Variants in KCTD1 observed in about 807,000 individuals in gnomAD.
KCTD1 encodes the protein BTB/POZ domain-containing protein KCTD1.
A neutral mutation model predicts 66.0 loss-of-function variants in KCTD1; 24 were observed. The observed-to-expected ratio is 0.36, with a 90% CI of 0.26 to 0.51. The LOEUF (loss-of-function observed/expected upper bound fraction) is 0.51, where lower values mean the gene tolerates loss of function less well. Ranked by LOEUF, KCTD1 falls within the 20% of genes least tolerant of loss-of-function variation. The pLI, the probability that KCTD1 is intolerant of heterozygous loss-of-function variation, is 0.95. For missense variants in KCTD1, 943 were observed against 1,205.2 expected, an observed-to-expected ratio of 0.78 and a Z score of 3.22; for synonymous variants, 511 against 517.2, an observed-to-expected ratio of 0.99 and a Z score of 0.16.
intron 1 of KCTD1, among the ~76,000 whole-genome samples, chr18:26,532,009 G>A (rs763786623): frequency 3.3e-5 from 5 of 152,152 alleles, no homozygotes; most frequent in Non-Finnish European, 7.4e-5. Flanking sequence ...GACCTATCTG[G>A]AGAGTGGTAG....
chr18:26,513,329 T>C (rs1003861240), intron 1 of KCTD1, among the ~76,000 whole-genome samples: 25 of 152,216 alleles, frequency 1.6e-4, no homozygotes, highest in Admixed American at 1.2e-3. Flanking sequence ...CCTCGTGATC[T>C]GCCCACTTCG....
At chr18:26,653,566 A>C (rs1048060232) in intron 1 of KCTD1, among the ~76,000 whole-genome samples, 1 of 152,226 alleles carries the variant, frequency 6.6e-6, no homozygotes, top group African/African-American at 2.4e-5. Flanking sequence ...ATGAGATTGG[A>C]GGCTCTGAAT....
intron 1 of KCTD1, among the ~76,000 whole-genome samples, chr18:26,651,783 C>CAAAA (rs397858862): frequency 4.5e-4 from 34 of 75,228 alleles, no homozygotes; most frequent in African/African-American, 1.2e-3. Context: ...AACTCGGTCT[C>CAAAA]AAAAAAAAAA....
intron 1 of KCTD1, among the ~76,000 whole-genome samples, chr18:26,528,729 G>A (rs1214107113): frequency 6.6e-6 from 1 of 152,114 alleles, no homozygotes; most frequent in African/African-American, 2.4e-5. Flanking sequence ...GAAGCTGCAG[G>A]ACACACACCC....
At chr18:26,600,143 A>G (rs1986856222) in intron 1 of KCTD1, 1 of 1,608,214 alleles carries the variant, frequency 6.2e-7, no homozygotes, top group Non-Finnish European at 8.5e-7. Context: ...AAGGCCTGTA[A>G]GAACTGCACC....
In KCTD1 at chr18:26,497,864, G is replaced by A. The variant is rs541962118; in HGVS notation, c.1988+3208C>T. ...GGCTGGGGTATTTAAGATAAAGGAG[G>A]AGAAGGTGCAGGCCAGGAGTCCCCT... is the stretch of plus-strand genomic sequence containing the variant. On this transcript the variant is annotated intron_variant, in intron 2 of 4. Coordinates refer to ENST00000580059, the MANE Select transcript of KCTD1 (RefSeq NM_001142730.3). 7.9e-5 allele frequency among the ~76,000 whole-genome samples: 12 copies of A among 152,326 alleles called. No homozygotes were observed. The South Asian group carries it at 2.5e-3, about 32-fold the overall frequency.
At chr18:26,517,032 TGATGCAGTCAC>T (rs1983685848) in intron 1 of KCTD1, among the ~76,000 whole-genome samples, 1 of 152,206 alleles carries the variant, frequency 6.6e-6, no homozygotes, top group Admixed American at 6.5e-5. Context: ...ACAGAAACAC[TGATGCAGTCAC>T]CCTGCACAGT....
At chr18:26,531,121 T>C (rs903449916) in intron 1 of KCTD1, among the ~76,000 whole-genome samples, 2 of 152,188 alleles carry the variant, frequency 1.3e-5, no homozygotes, top group African/African-American at 2.4e-5. Context: ...AAAATATTAA[T>C]TCTCACTCTT....
intron 1 of KCTD1, among the ~76,000 whole-genome samples, chr18:26,626,915 A>G (rs1187849877): frequency 1.3e-5 from 2 of 152,212 alleles, no homozygotes; most frequent in Admixed American, 6.5e-5. Context: ...AGGAGCCACT[A>G]CGGCTGAACA....
Position 26,548,345 on chromosome 18 carries a change from G to GTCC in KCTD1, c.189_191dup (p.Glu63dup), listed in dbSNP as rs754124714. On this transcript the variant is annotated inframe_insertion, in exon 1 of 5. Coordinates refer to ENST00000580059, the MANE Select transcript of KCTD1 (RefSeq NM_001142730.3). The stretch of plus-strand genomic sequence containing the variant: ...CCGTTATCTGCACCTCCTGGATCTC[G>GTCC]TCCTCCTCCTCCTCTTCCTCCTCCT... 1.7e-5 allele frequency: 25 copies of GTCC among 1,482,392 alleles called. No homozygotes were observed. In the East Asian group the frequency reaches 4.8e-4, roughly 29 times the overall value. The allele number at this position is 1,482,392 out of a possible 1,614,324, so 91.8% of individuals were successfully genotyped here.
At chr18:26,574,897 C>A (rs1281154170) in intron 1 of KCTD1, among the ~76,000 whole-genome samples, 1 of 152,102 alleles carries the variant, frequency 6.6e-6, no homozygotes, top group Non-Finnish European at 1.5e-5. Flanking sequence ...GGACAAGCAA[C>A]CCTCAATTAT....
At chr18:26,656,292 T>A (rs1988136715) in intron 1 of KCTD1, among the ~76,000 whole-genome samples, 1 of 152,072 alleles carries the variant, frequency 6.6e-6, no homozygotes, top group African/African-American at 2.4e-5. Flanking sequence ...CCTGCAGCGC[T>A]CGCATCCTTC....
In KCTD1 at chr18:26,548,248, T is replaced by TCTCCTCCTCTTCCTC; in HGVS notation, c.274_288dup (p.Glu92_Glu96dup). ...AGGGGCTCGTCCCAGTCCAGCCCCA[T>TCTCCTCCTCTTCCTC]CTCCTCCTCTTCCTCCTCCTCCTCG... On this transcript the variant is annotated inframe_insertion, in exon 1 of 5. Transcript: ENST00000580059. 1.3e-6 allele frequency: 2 copies of TCTCCTCCTCTTCCTC among 1,511,784 alleles called. No individual in the cohort carries two copies. Among genetic ancestry groups the TCTCCTCCTCTTCCTC allele is most frequent in the South Asian group, 1.2e-5 (1 of 80,986 alleles). The allele number at this position is 1,511,784 out of a possible 1,614,324, so 93.6% of individuals were successfully genotyped here.
chr18:26,651,984 A>C (rs1348392693), intron 1 of KCTD1, among the ~76,000 whole-genome samples: 3 of 151,862 alleles, frequency 2.0e-5, no homozygotes, highest in African/African-American at 7.3e-5. Flanking sequence ...GCTCAGGGAG[A>C]TAGGTATTCC....
intron 1 of KCTD1, chr18:26,640,218 T>G (rs1190081481): frequency 6.6e-6 from 1 of 152,522 alleles, no homozygotes. Context: ...GGAGGATTGC[T>G]TGAGCCCAGG....
intron 3 of KCTD1, among the ~76,000 whole-genome samples, chr18:26,473,480 T>C (rs1981178173): frequency 6.6e-6 from 1 of 151,840 alleles, no homozygotes; most frequent in South Asian, 2.1e-4. Flanking sequence ...AGGTGATAGG[T>C]TGATAGGTGC....
upstream of KCTD1, among the ~76,000 whole-genome samples, chr18:26,553,080 TC>T (rs1303043081): frequency 6.6e-6 from 1 of 151,810 alleles, no homozygotes; most frequent in Non-Finnish European, 1.5e-5. Context: ...AGCCTCAACT[TC>T]CTGGGCTCAA....
intron 1 of KCTD1, among the ~76,000 whole-genome samples, chr18:26,585,879 TAAAAC>T (rs938668587): frequency 6.6e-6 from 1 of 152,140 alleles, no homozygotes; most frequent in African/African-American, 2.4e-5. Flanking sequence ...TTGTCTCTGT[TAAAAC>T]AAAACAAAAC....
chr18:26,496,489 T>G (rs552312018), intron 2 of KCTD1, among the ~76,000 whole-genome samples: 80 of 152,282 alleles, frequency 5.3e-4, no homozygotes, highest in African/African-American at 1.8e-3. Context: ...ACTCAGATGG[T>G]GGAGATTAAC....
Sources: allele counts gnomAD v4.1 joint callset (sites outside exome capture counted in the v4.1 genomes callset), GRCh38; gene constraint gnomAD v4.1.1; transcripts MANE v1.5; gene names NCBI Gene and HGNC (gene_info 2026-07-23, HGNC 2026-07-21).